Variants in PSIP1 observed in about 807,000 individuals in gnomAD.
The protein encoded by PSIP1 is PC4 and SFRS1-interacting protein.
A neutral mutation model predicts 74.7 loss-of-function variants in PSIP1; 19 were observed. The observed-to-expected ratio is 0.25, with a 90% CI of 0.18 to 0.37. PSIP1 has a LOEUF of 0.37. Among genes scored for constraint, PSIP1 ranks in the 10% least tolerant of loss-of-function variants. The pLI, the probability that PSIP1 is intolerant of heterozygous loss-of-function variation, is 1.00. For synonymous variants in PSIP1, 222 were observed against 195.3 expected (o/e 1.14, Z -1.14); for missense variants, 601 against 614.3 (o/e 0.98, Z 0.23).
At position 15,473,995 on chromosome 9, in the gene PSIP1, T is replaced by C. The variant is rs147816029; in HGVS notation, c.858+14A>G. 349 of 1,587,674 alleles carry C rather than the reference T, an allele frequency of 2.2e-4. 1 individual carries two copies. The East Asian group carries it at 5.2e-3, about 24-fold the overall frequency. On this transcript the variant is annotated intron_variant, in intron 9 of 15. Transcript: ENST00000380733. ...AAGAATAGAACAGCCATTTTATATA[T>C]GTAAACTTTATACCTTTTCACCTTC...
In PSIP1 at chr9:15,510,247, G is replaced by C. The variant is rs957909180; in HGVS notation, c.-59C>G. The C allele has an allele frequency of 6.5e-7, 1 of 1,526,868 alleles. No individual in the cohort carries two copies. Among genetic ancestry groups the C allele is most frequent in the East Asian group, 2.4e-5 (1 of 41,624 alleles). 94.6% of individuals were successfully genotyped at this position (1,526,868 alleles called of 1,614,324 possible). A position where few individuals can be genotyped will look rare whatever the true frequency, so the allele number is the denominator to read the frequency against. ...GGAGGCGGCGAGGAGATGCGGCGGC[G>C]CGGGGATGCGGGCGGCGGACGCGGG... On this transcript the variant is annotated 5_prime_UTR_variant, in exon 2 of 16. Transcript: ENST00000380733.
chr9:15,498,598 C>A (rs1453085087), intron 3 of PSIP1, among the ~76,000 whole-genome samples: 1 of 152,102 alleles, frequency 6.6e-6, no homozygotes, highest in Non-Finnish European at 1.5e-5. Flanking sequence ...TACTACTTCC[C>A]AAGGGTACAA....
intron 3 of PSIP1, among the ~76,000 whole-genome samples, chr9:15,498,955 G>A (rs2037208028): frequency 6.6e-6 from 1 of 151,970 alleles, no homozygotes; most frequent in Non-Finnish European, 1.5e-5. Flanking sequence ...AAAAATAGGA[G>A]TAAAAAGGAT....
At chr9:15,487,469 C>G (rs2036604756) in intron 4 of PSIP1, among the ~76,000 whole-genome samples, 1 of 151,890 alleles carries the variant, frequency 6.6e-6, no homozygotes, top group African/African-American at 2.4e-5. Context: ...GTGGCACGCG[C>G]CTGTAATCCC....
chr9:15,501,654 T>C (rs552919791), intron 3 of PSIP1, among the ~76,000 whole-genome samples: 30 of 152,064 alleles, frequency 2.0e-4, no homozygotes, highest in African/African-American at 7.0e-4. Context: ...TTGGTTTTGA[T>C]TCACTGCTAA....
chr9:15,476,263 C>G (rs2036073198), intron 8 of PSIP1, among the ~76,000 whole-genome samples: 1 of 152,130 alleles, frequency 6.6e-6, no homozygotes, highest in Non-Finnish European at 1.5e-5. Flanking sequence ...AATAGAGAAA[C>G]TGACACCAGG....
chr9:15,493,190 C>CCTCGT, intron 3 of PSIP1, among the ~76,000 whole-genome samples: 1 of 152,306 alleles, frequency 6.6e-6, no homozygotes, highest in African/African-American at 2.4e-5. Context: ...ATTTCTTCTG[C>CCTCGT]CAGATACCCT....
rs766699783 is a variant in PSIP1 at position 15,506,368 on chromosome 9, T to C, written c.149+193A>G. On this transcript the variant is annotated intron_variant, in intron 3 of 15. Coordinates refer to ENST00000380733, the MANE Select transcript of PSIP1 (RefSeq NM_033222.5). ...ACTTTCCTTTTTGGTTAAGGAAATA[T>C]CAATTCCAGTAAAAAATAAACCTAT... 1.2e-5 allele frequency: 5 copies of C among 427,060 alleles called. No homozygotes were observed. The South Asian group carries it at 2.3e-4, about 20-fold the overall frequency. The allele number at this position is 427,060 out of a possible 1,614,324, so 26.5% of individuals were successfully genotyped here.
chr9:15,487,453 G>A (rs1373330154), intron 4 of PSIP1, among the ~76,000 whole-genome samples: 2 of 151,924 alleles, frequency 1.3e-5, no homozygotes, highest in African/African-American at 4.8e-5. Context: ...AAATTAGCCA[G>A]GCATGGTGGC....
intron 3 of PSIP1, chr9:15,505,394 T>A (rs892275389): frequency 6.6e-6 from 1 of 152,228 alleles, no homozygotes; most frequent in African/African-American, 2.4e-5. Context: ...CTTTAAAGTA[T>A]CCCATGGAAT....
chr9:15,492,678 C>T (rs1024191576), intron 3 of PSIP1, among the ~76,000 whole-genome samples: 2 of 152,206 alleles, frequency 1.3e-5, no homozygotes, highest in South Asian at 4.1e-4. Context: ...AGGTTCTCCA[C>T]GAAGTCTTCG....
rs2036746948 is a variant in PSIP1, at chr9:15,489,927, A to G, written c.288+59T>C. On this transcript the variant is annotated intron_variant, in intron 4 of 15. Transcript: ENST00000380733. ...TAGTATTTACTTTCCTACAGCTAGGATAGTGATTATTCCCCAGGATTAAAT... is the reference window on the plus strand; with the variant it reads ...TAGTATTTACTTTCCTACAGCTAGGGTAGTGATTATTCCCCAGGATTAAAT... 3.0e-6 allele frequency: 4 copies of G among 1,339,386 alleles called. No individual in the cohort carries two copies. The African/African-American group carries it at 6.0e-5, about 20-fold the overall frequency. The allele number at this position is 1,339,386 out of a possible 1,614,324, so 83.0% of individuals were successfully genotyped here.
chr9:15,472,234 G>C, intron 10 of PSIP1: 1 of 990,830 alleles, frequency 1.0e-6, no homozygotes, highest in Non-Finnish European at 1.2e-6. Flanking sequence ...GGTCTTTAGG[G>C]TGAGGCCTGC....
chr9:15,488,565 C>T (rs2036660793), intron 4 of PSIP1, among the ~76,000 whole-genome samples: 1 of 152,086 alleles, frequency 6.6e-6, no homozygotes, highest in Non-Finnish European at 1.5e-5. Flanking sequence ...CTGGAACATT[C>T]ATTTGGGAAT....
chr9:15,505,652 ATATACTAAAATCTAC>A (rs2037554229), intron 3 of PSIP1: 1 of 147,002 alleles, frequency 6.8e-6, no homozygotes, highest in South Asian at 2.4e-4. Flanking sequence ...ATGATAGTCA[ATATACTAAAATCTAC>A]TAAATATACT....
chr9:15,508,719 C>T (rs544380887), intron 2 of PSIP1, among the ~76,000 whole-genome samples: 1 of 152,130 alleles, frequency 6.6e-6, no homozygotes, highest in African/African-American at 2.4e-5. Context: ...TCCATTTGAA[C>T]GTGAATTGTG....
rs374297893 is a variant in PSIP1 at position 15,501,760 on chromosome 9, C to A, written c.149+4801G>T. Among the ~76,000 whole-genome samples, 27 of 150,874 alleles carry A rather than the reference C, an allele frequency of 1.8e-4. No homozygotes were observed. In the South Asian group the frequency reaches 5.6e-3, roughly 32 times the overall value. ...TGACTAGACAGTTGTACCTCCGTAT[C>A]CGTAAGACTGTGGATTATCCTTCCT... On this transcript the variant is annotated intron_variant, in intron 3 of 15. Transcript: ENST00000380733.
intron 10 of PSIP1, 84 bp from the exon 11 acceptor site, chr9:15,470,077 T>C: frequency 3.5e-6 from 4 of 1,142,618 alleles, no homozygotes; most frequent in Non-Finnish European, 3.9e-6. Flanking sequence ...GCTAAAAATG[T>C]TTTCCTTAAA....
intron 10 of PSIP1, chr9:15,471,907 C>A (rs529817784): frequency 2.0e-6 from 2 of 982,540 alleles, no homozygotes; most frequent in Non-Finnish European, 2.4e-6. Context: ...AGACGCTTCA[C>A]GAGAAAAGAA....
Sources: gnomAD v4.1 joint callset for allele counts (sites outside exome capture counted in the v4.1 genomes callset) on GRCh38, gnomAD v4.1.1 for gene constraint, MANE v1.5 for transcripts, NCBI Gene and HGNC (gene_info 2026-07-23, HGNC 2026-07-21) for gene names.